XKR6: variants seen among roughly 807,000 people sequenced by gnomAD.
XKR6 encodes the protein XK related 6, also known as XK-related protein 6.
Under a neutral mutation model 56.7 loss-of-function variants are expected in XKR6, and 22 were observed. The ratio of observed to expected loss-of-function variants is 0.39; its 90% CI spans 0.28 to 0.55. The LOEUF (loss-of-function observed/expected upper bound fraction) is 0.55. XKR6 is among the 20% of genes least tolerant of loss of function. XKR6 has a pLI of 0.66. For synonymous variants in XKR6, 524 were observed against 387.8 expected, an observed-to-expected ratio of 1.35 and a Z score of -4.13; for missense variants, 852 against 889.0, an observed-to-expected ratio of 0.96 and a Z score of 0.53.
chr8:11,150,461 C>T (rs1262220321), intron 1 of XKR6, among the ~76,000 whole-genome samples: 3 of 152,146 alleles, frequency 2.0e-5, no homozygotes, highest in Non-Finnish European at 4.4e-5. Flanking sequence ...AAGTCCCCTT[C>T]CCCCCGGGGT....
At chr8:11,090,539 G>A (rs1586531257) in intron 1 of XKR6, among the ~76,000 whole-genome samples, 1 of 152,134 alleles carries the variant, frequency 6.6e-6, no homozygotes, top group Admixed American at 6.5e-5. Flanking sequence ...GCAGCAGTAT[G>A]CATTATTAGT....
chr8:10,995,264 C>A lies in XKR6; in HGVS notation c.765-70434G>T, dbSNP rs948159546. Among the ~76,000 whole-genome samples, 2 of 151,634 alleles carry A rather than the reference C, an allele frequency of 1.3e-5. 1 individual carries two copies. Among genetic ancestry groups the A allele is most frequent in the South Asian group, 4.2e-4 (2 of 4,816 alleles). ...GCATGGTGGCTCACACCTATAATCCCAGTGCTTTAGGAGACTGAAGCAGGT... is the reference window on the plus strand; with the variant it reads ...GCATGGTGGCTCACACCTATAATCCAAGTGCTTTAGGAGACTGAAGCAGGT... On this transcript the variant is annotated intron_variant, in intron 1 of 2. Coordinates refer to ENST00000416569, the MANE Select transcript of XKR6 (RefSeq NM_173683.4).
chr8:11,195,298 G>T, intron 1 of XKR6: 3 of 613,908 alleles, frequency 4.9e-6, no homozygotes, highest in South Asian at 1.9e-5. Context: ...CATTCTTTTA[G>T]CATTTCTGTT....
At chr8:10,938,251 G>A (rs936602491) in intron 1 of XKR6, among the ~76,000 whole-genome samples, 2 of 152,198 alleles carry the variant, frequency 1.3e-5, no homozygotes, top group Non-Finnish European at 2.9e-5. Context: ...GCCTCGCCCT[G>A]CTTCGGCTCG....
chr8:10,957,851 G>T (rs1040323554), intron 1 of XKR6, among the ~76,000 whole-genome samples: 1 of 152,040 alleles, frequency 6.6e-6, no homozygotes, highest in Non-Finnish European at 1.5e-5. Context: ...ACTAAACCAA[G>T]TTAGGATCCA....
intron 1 of XKR6, among the ~76,000 whole-genome samples, chr8:10,955,362 G>C (rs897558792): frequency 2.0e-5 from 3 of 151,762 alleles, no homozygotes; most frequent in African/African-American, 7.3e-5. Flanking sequence ...TTTATTTTTT[G>C]TACAGACAAA....
chr8:10,944,685 G>C (rs1433568542), intron 1 of XKR6, among the ~76,000 whole-genome samples: 2 of 152,134 alleles, frequency 1.3e-5, no homozygotes, highest in South Asian at 4.1e-4. Flanking sequence ...AGCCTGGCTG[G>C]CTCCGAGAAA....
chr8:11,030,178 G>A (rs1220416674), intron 1 of XKR6, among the ~76,000 whole-genome samples: 1 of 152,158 alleles, frequency 6.6e-6, no homozygotes, highest in Admixed American at 6.5e-5. Context: ...GCCTGCCCGA[G>A]TTGGGCTCAT....
chr8:11,077,749 A>ATCTGGGCAAGTGGC (rs1328981705), intron 1 of XKR6, among the ~76,000 whole-genome samples: 26 of 152,200 alleles, frequency 1.7e-4, no homozygotes, highest in Non-Finnish European at 1.5e-5. Context: ...TCCCAGCTGC[A>ATCTGGGCAAGTGGC]AGAATGCATC....
intron 1 of XKR6, among the ~76,000 whole-genome samples, chr8:11,074,258 C>A (rs1800208717): frequency 6.6e-6 from 1 of 152,204 alleles, no homozygotes; most frequent in Non-Finnish European, 1.5e-5. Flanking sequence ...AGAAGCTGCG[C>A]TCCCTCTGTC....
intron 1 of XKR6, chr8:11,128,877 T>C (rs1336239813): frequency 4.4e-6 from 2 of 456,898 alleles, no homozygotes; most frequent in South Asian, 1.5e-5. Context: ...GCCACCATCA[T>C]CTCTTGCCTT....
At chr8:11,162,696 T>C (rs928027150) in intron 1 of XKR6, among the ~76,000 whole-genome samples, 1 of 152,250 alleles carries the variant, frequency 6.6e-6, no homozygotes, top group African/African-American at 2.4e-5. Flanking sequence ...TTTTTAAACA[T>C]TCTTACAAAA....
rs546962274 is a variant in XKR6, at chr8:11,058,375, G to A, written c.765-133545C>T. Among the ~76,000 whole-genome samples the A allele has an allele frequency of 6.6e-5, 10 of 152,292 alleles. No individual in the cohort carries two copies. In the East Asian group the frequency reaches 1.5e-3, roughly 24 times the overall value. On this transcript the variant is annotated intron_variant, in intron 1 of 2. Transcript: ENST00000416569. ...TTCTACTATAAAGACACATGCACAC[G>A]TATGTTTATTGCAGCACTATTTACA...
intron 1 of XKR6, among the ~76,000 whole-genome samples, chr8:11,007,026 A>T (rs1279653335): frequency 6.6e-6 from 1 of 152,210 alleles, no homozygotes; most frequent in Non-Finnish European, 1.5e-5. Context: ...CCCCAAGAGG[A>T]ACCCTACCAG....
rs115331863 is a variant in XKR6, at chr8:10,959,215, C to A, written c.765-34385G>T. Among the ~76,000 whole-genome samples the A allele has an allele frequency of 3.4e-3, 518 of 152,268 alleles. 5 individuals are homozygous for A. The highest frequency in any genetic ancestry group is 0.012 in the African/African-American group (497 of 41,564). ...TCTCCAGTGTCCCTCCCTCCCCACTCTATGGTGAGGCCTGGCCTGGAGACC... is the reference window on the plus strand; with the variant it reads ...TCTCCAGTGTCCCTCCCTCCCCACTATATGGTGAGGCCTGGCCTGGAGACC... On this transcript the variant is annotated intron_variant, in intron 1 of 2. Coordinates refer to ENST00000416569, the MANE Select transcript of XKR6 (RefSeq NM_173683.4).
At chr8:10,900,703 A>G (rs10107145) in intron 2 of XKR6, among the ~76,000 whole-genome samples, 82,245 of 152,062 alleles carry the variant, frequency 0.54, 24,231 homozygotes, top group African/African-American at 0.73. Flanking sequence ...GGTACACACA[A>G]GACATCTCAT....
intron 1 of XKR6, among the ~76,000 whole-genome samples, chr8:10,989,443 C>G (rs1257687875): frequency 6.6e-6 from 1 of 152,130 alleles, no homozygotes; most frequent in African/African-American, 2.4e-5. Context: ...TGATTGATAT[C>G]TACGTTACGT....
intron 1 of XKR6, among the ~76,000 whole-genome samples, chr8:11,134,669 G>A (rs746247105): frequency 5.9e-5 from 9 of 152,020 alleles, no homozygotes; most frequent in South Asian, 2.1e-4. Flanking sequence ...TGGTACAACC[G>A]TTTATGAAGG....
chr8:11,073,423 T>C (rs889544627), intron 1 of XKR6, among the ~76,000 whole-genome samples: 2 of 152,172 alleles, frequency 1.3e-5, no homozygotes, highest in African/African-American at 4.8e-5. Flanking sequence ...GACCTGTATA[T>C]GAAGGACTGG....
Sources: gnomAD v4.1 joint callset for allele counts (sites outside exome capture counted in the v4.1 genomes callset) on GRCh38, gnomAD v4.1.1 for gene constraint, MANE v1.5 for transcripts, NCBI Gene and HGNC (gene_info 2026-07-23, HGNC 2026-07-21) for gene names.